The following GSDME variants were observed in gnomAD, a reference collection of about 807,000 sequenced individuals.
GSDME encodes gasdermin E, also known as gasdermin-E.
In GSDME, 44 loss-of-function variants were observed where a neutral mutation model predicts 47.5. That is an observed-to-expected ratio of 0.93 (90% CI 0.73 to 1.19). The LOEUF is 1.19. GSDME is among the 50% of genes most tolerant of loss of function. GSDME has a pLI of 0.00. For synonymous variants in GSDME, 258 were observed against 252.8 expected (o/e 1.02, Z -0.20); for missense variants, 663 against 604.2 (o/e 1.10, Z -1.02).
At chr7:24,707,825 G>T in intron 7 of GSDME, 1 of 541,402 alleles carries the variant, frequency 1.8e-6, no homozygotes, top group Non-Finnish European at 3.3e-6. Context: ...ATCCTCTGGG[G>T]GAAGTGTGGC....
At chr7:24,727,758 C>T (rs543359288) in intron 3 of GSDME, among the ~76,000 whole-genome samples, 2 of 152,332 alleles carry the variant, frequency 1.3e-5, no homozygotes, top group African/African-American at 4.8e-5. Context: ...AGTAACTGCC[C>T]CCCTAAAATC....
At chr7:24,760,828 C>A (rs2128070540), upstream of GSDME, among the ~76,000 whole-genome samples, 1 of 152,232 alleles carries the variant, frequency 6.6e-6, no homozygotes, top group African/African-American at 2.4e-5. The surrounding 1 kb of genome is among the most constrained non-coding windows in gnomAD (Gnocchi z 4.2). Context: ...AAATAAAAAG[C>A]TTTATAGAGG....
intron 4 of GSDME, 135 bp downstream of exon 4, chr7:24,718,912 G>T: frequency 1.0e-6 from 1 of 1,000,084 alleles, no homozygotes; most frequent in Non-Finnish European, 1.5e-6. Flanking sequence ...GCTCATTTAA[G>T]ACAACGTGAG....
the GSDME span, among the ~76,000 whole-genome samples, chr7:24,771,725 C>T: frequency 6.6e-6 from 1 of 152,170 alleles, no homozygotes; most frequent in Non-Finnish European, 1.5e-5. This position sits in a 1 kb window ranked among gnomAD's most constrained non-coding sequence, Gnocchi z 4.1. Flanking sequence ...GCTCCACACT[C>T]ACTTGATGTG....
chr7:24,722,059 C>G (rs990500592), intron 3 of GSDME, among the ~76,000 whole-genome samples: 4 of 152,222 alleles, frequency 2.6e-5, no homozygotes, highest in Non-Finnish European at 1.5e-5. Flanking sequence ...CATTTATCTG[C>G]TCATGGCCTG....
At chr7:24,715,416 C>T (rs1247221018) in intron 5 of GSDME, 1 of 468,834 alleles carries the variant, frequency 2.1e-6, no homozygotes, top group African/African-American at 2.0e-5. Flanking sequence ...CAGTAGTTAT[C>T]CCGTCACAAT....
rs1790174336 is a variant in GSDME, at chr7:24,732,408, T to C, written c.404+12154A>G. On this transcript the variant is annotated intron_variant, in intron 3 of 9. Transcript: ENST00000645220. The surrounding 1 kb of genome is among the most constrained non-coding windows in gnomAD (Gnocchi z 4.8). ...GAATGGAAGCCTCCCGTGATTGTTC[T>C]CCCCACAGGAACACCAAAGTCAACA... is the stretch of plus-strand genomic sequence containing the variant. Among the ~76,000 whole-genome samples, 1 of 152,158 alleles carries C rather than the reference T, an allele frequency of 6.6e-6. No homozygotes were observed. The highest frequency in any genetic ancestry group is 1.5e-5 in the Non-Finnish European group (1 of 68,028).
At chr7:24,707,384 A>G (rs1403220417) in intron 7 of GSDME, 2 of 471,570 alleles carry the variant, frequency 4.2e-6, no homozygotes. Context: ...CATTTGTACA[A>G]CTAAGAGTTA....
At position 24,726,912 on chromosome 7, in the gene GSDME, G is replaced by A. The variant is rs1439204377; in HGVS notation, c.405-7694C>T. 6.6e-6 allele frequency among the ~76,000 whole-genome samples: 1 copy of A among 152,122 alleles called. No individual in the cohort carries two copies. Among genetic ancestry groups the A allele is most frequent in the East Asian group, 1.9e-4 (1 of 5,186 alleles). On this transcript the variant is annotated intron_variant, in intron 3 of 9. Transcript: ENST00000645220. This position sits in a 1 kb window ranked among gnomAD's most constrained non-coding sequence, Gnocchi z 5.6. ...CCCAGGGGACATCATGACAGAGCAG[G>A]AGCTTTTGTTGAGTCTGCTGTGGAG...
rs141929363 is a variant in GSDME at position 24,714,948 on chromosome 7, C to T, written c.697+2306G>A. Among the ~76,000 whole-genome samples, 7 of 152,210 alleles carry T rather than the reference C, an allele frequency of 4.6e-5. No individual in the cohort carries two copies. The highest frequency in any genetic ancestry group is 3.9e-4 in the East Asian group (2 of 5,180). On this transcript the variant is annotated intron_variant, in intron 5 of 9. Transcript: ENST00000645220. The surrounding 1 kb of genome is among the most constrained non-coding windows in gnomAD (Gnocchi z 5.0). ...CGCATCCTTCACTACAGCCAAGATA[C>T]GGAAATAATGTAACTGTCTGTTGAT...
chr7:24,713,742 A>T (rs1789444813), intron 5 of GSDME, among the ~76,000 whole-genome samples: 1 of 152,256 alleles, frequency 6.6e-6, no homozygotes, highest in South Asian at 2.1e-4. Context: ...TGAAGTGGTC[A>T]ATTTTAAAAC....
At chr7:24,706,889 GATC>G (rs1375042982) in intron 7 of GSDME, among the ~76,000 whole-genome samples, 1 of 152,220 alleles carries the variant, frequency 6.6e-6, no homozygotes, top group East Asian at 1.9e-4. Context: ...GTCCAGATCC[GATC>G]ATCTGAAAGC....
At position 24,739,720 on chromosome 7, in the gene GSDME, A is replaced by C. The variant is rs578012254; in HGVS notation, c.404+4842T>G. Among the ~76,000 whole-genome samples, 6 of 152,216 alleles carry C rather than the reference A, an allele frequency of 3.9e-5. No individual in the cohort carries two copies. Among genetic ancestry groups the C allele is most frequent in the Non-Finnish European group, 8.8e-5 (6 of 68,038 alleles). On this transcript the variant is annotated intron_variant, in intron 3 of 9. Coordinates refer to ENST00000645220, the MANE Select transcript of GSDME (RefSeq NM_001127453.2). The surrounding 1 kb of genome is among the most constrained non-coding windows in gnomAD (Gnocchi z 5.1). ...ACTAGTCACAATAGTCAAAATTTGG[A>C]AACAACCTAATCCTCAATAGATGAA...
rs201381931 is a variant in GSDME at position 24,699,255 on chromosome 7, C to T, written c.1262G>A (p.Arg421His). The change falls in exon 10 of 10, where the codon CGT becomes CAT. Residue 421 changes from arginine (R) to histidine (H), a missense_variant. Coordinates refer to ENST00000645220, the MANE Select transcript of GSDME (RefSeq NM_001127453.2). Reference protein sequence around the residue: ...QIIPTLCHLLRALSDDGVSDL... With the variant: ...QIIPTLCHLLHALSDDGVSDL... ...AGATACTCCATCATCAGACAGAGCA[C>T]GAAGCTGAAATGACACATTTAAACA... 8.1e-6 allele frequency: 13 copies of T among 1,607,954 alleles called. No individual in the cohort carries two copies. Among genetic ancestry groups the T allele is most frequent in the East Asian group, 4.5e-5 (2 of 44,838 alleles).
Position 24,732,489 on chromosome 7 carries a change from A to G in GSDME, c.404+12073T>C, listed in dbSNP as rs1790176816. ...AACCAAAAATCAGGTGAGCAATCAC[A>G]GTACCTGGTTTTGACTTCATTTTGC... On this transcript the variant is annotated intron_variant, in intron 3 of 9. Coordinates refer to ENST00000645220, the MANE Select transcript of GSDME (RefSeq NM_001127453.2). The surrounding 1 kb of genome is among the most constrained non-coding windows in gnomAD (Gnocchi z 4.8). Among the ~76,000 whole-genome samples the G allele has an allele frequency of 6.6e-6, 1 of 152,264 alleles. No individual in the cohort carries two copies. Among genetic ancestry groups the G allele is most frequent in the South Asian group, 2.1e-4 (1 of 4,834 alleles).
chr7:24,783,874 G>A, the GSDME span, among the ~76,000 whole-genome samples: 1 of 152,112 alleles, frequency 6.6e-6, no homozygotes, highest in Non-Finnish European at 1.5e-5. Context: ...AGAGGAATGG[G>A]TTGGGCGTGG....
At position 24,745,031 on chromosome 7, in the gene GSDME, GTGT is replaced by G. The variant is rs1562713120; in HGVS notation, c.212-280_212-278del. Among the ~76,000 whole-genome samples the G allele has an allele frequency of 1.1e-3, 149 of 135,802 alleles. No individual in the cohort carries two copies. The highest frequency in any genetic ancestry group is 3.8e-3 in the African/African-American group (136 of 35,684). The allele number at this position is 135,802 out of a possible 152,430, so 89.1% of individuals were successfully genotyped here. On this transcript the variant is annotated intron_variant, in intron 2 of 9. Transcript: ENST00000645220. This position sits in a 1 kb window ranked among gnomAD's most constrained non-coding sequence, Gnocchi z 4.4. ...TGTGTGTGTGTGTGTGTGTGTGTGT[GTGT>G]GGACCACGGGCACACAGTGGACCAG...
At position 24,749,758 on chromosome 7, in the gene GSDME, G is replaced by C. The variant is rs1307708061; in HGVS notation, c.17C>G (p.Thr6Ser). MFAKA[T>S]RNFLREVDAD... ...ATCAACTTCTCTAAGAAAATTCCTG[G>C]TTGCTTTGGCAAACATTTTGAAAGC... The change falls in exon 2 of 10, where the codon ACC (threonine) becomes AGC (serine). Residue 6 changes from threonine (T) to serine (S), a missense_variant. Coordinates refer to ENST00000645220, the MANE Select transcript of GSDME (RefSeq NM_001127453.2). 1.2e-6 allele frequency: 2 copies of C among 1,613,922 alleles called. No homozygotes were observed. Among genetic ancestry groups the C allele is most frequent in the Non-Finnish European group, 1.7e-6 (2 of 1,179,896 alleles).
At chr7:24,793,529 T>C in the GSDME span, among the ~76,000 whole-genome samples, 7 of 152,352 alleles carry the variant, frequency 4.6e-5, no homozygotes, top group African/African-American at 9.6e-5. Context: ...ACACTTTGCA[T>C]ATAAACTGTT....
Sources: gnomAD v4.1 joint callset for allele counts (sites outside exome capture counted in the v4.1 genomes callset) on GRCh38, gnomAD v4.1.1 for gene constraint, Gnocchi (gnomAD v3.1) non-coding constraint, MANE v1.5 for transcripts, NCBI Gene and HGNC (gene_info 2026-07-23, HGNC 2026-07-21) for gene names.